FAM216A: variants seen among roughly 807,000 people sequenced by gnomAD.
FAM216A encodes family with sequence similarity 216 member A, also known as protein FAM216A.
In FAM216A, 26 loss-of-function variants were observed where a neutral mutation model predicts 37.6. That is an observed-to-expected ratio of 0.69 (90% CI 0.51 to 0.96). The LOEUF is 0.96. Among genes scored for constraint, FAM216A ranks in the 40% least tolerant of loss-of-function variants. The pLI, the probability that FAM216A is intolerant of heterozygous loss-of-function variation, is 0.00. For synonymous variants in FAM216A, 110 were observed against 121.7 expected (o/e 0.90, Z 0.64); for missense variants, 326 against 339.3 (o/e 0.96, Z 0.31).
chr12:110,468,527 T>A, upstream of FAM216A: 4 of 1,537,254 alleles, frequency 2.6e-6, no homozygotes, highest in Non-Finnish European at 3.5e-6. Context: ...CGTGCTTCGG[T>A]CCGTGGTTTG....
At chr12:110,479,856 C>T (rs1413621175) in intron 2 of FAM216A, among the ~76,000 whole-genome samples, 1 of 150,670 alleles carries the variant, frequency 6.6e-6, no homozygotes, top group Non-Finnish European at 1.5e-5. Flanking sequence ...CCAAAAAAAA[C>T]AAAAAACAAA....
intron 2 of FAM216A, among the ~76,000 whole-genome samples, chr12:110,474,970 C>A (rs1299352711): frequency 1.3e-5 from 2 of 150,816 alleles, no homozygotes; most frequent in Non-Finnish European, 2.9e-5. Context: ...CCAGCCTGGG[C>A]AACAAGAGTG....
At chr12:110,469,221 T>A in intron 1 of FAM216A, 1 of 545,768 alleles carries the variant, frequency 1.8e-6, no homozygotes, top group Non-Finnish European at 2.9e-6. Context: ...TGAGGGAGGG[T>A]CTCTGAGGGA....
At chr12:110,474,091 C>T (rs1310503385) in intron 2 of FAM216A, among the ~76,000 whole-genome samples, 2 of 151,990 alleles carry the variant, frequency 1.3e-5, no homozygotes, top group East Asian at 3.8e-4. Context: ...AATATACAGA[C>T]ATATATGTGT....
chr12:110,473,159 A>G, intron 2 of FAM216A, 41 bp downstream of exon 2: 1 of 1,197,254 alleles, frequency 8.4e-7, no homozygotes, highest in Non-Finnish European at 1.2e-6. Flanking sequence ...TATAAGTAAC[A>G]TGGTTCTGAG....
At chr12:110,479,055 G>A (rs890961093) in intron 2 of FAM216A, among the ~76,000 whole-genome samples, 1 of 151,942 alleles carries the variant, frequency 6.6e-6, no homozygotes, top group Admixed American at 6.6e-5. Flanking sequence ...CGGGCGTCGT[G>A]GCTGGCGCCT....
At chr12:110,482,442 C>A (rs777619785) in intron 2 of FAM216A, among the ~76,000 whole-genome samples, 5 of 151,986 alleles carry the variant, frequency 3.3e-5, no homozygotes, top group Admixed American at 6.6e-5. Flanking sequence ...GTGGAAACTA[C>A]CCAAATGTCT....
At chr12:110,485,374 T>G (rs1445987659) in intron 3 of FAM216A, among the ~76,000 whole-genome samples, 175 bp downstream of exon 3, 1 of 152,184 alleles carries the variant, frequency 6.6e-6, no homozygotes, top group Non-Finnish European at 1.5e-5. Context: ...ATGTAAAGAT[T>G]ATACATTCTT....
rs528880183 is a variant in FAM216A, at chr12:110,477,533, T to C, written c.184+4415T>C. 9.2e-5 allele frequency among the ~76,000 whole-genome samples: 14 copies of C among 151,726 alleles called. No individual in the cohort carries two copies. The East Asian group carries it at 2.7e-3, about 30-fold the overall frequency. On this transcript the variant is annotated intron_variant, in intron 2 of 6. Coordinates refer to ENST00000377673, the MANE Select transcript of FAM216A (RefSeq NM_013300.3). ...ACGCTCGCCTAATTTTTTTGTATTTTTTTTAGTAGAGACGGGGTCTCACTG... is the reference window on the plus strand; with the variant it reads ...ACGCTCGCCTAATTTTTTTGTATTTCTTTTAGTAGAGACGGGGTCTCACTG...
intron 1 of FAM216A, among the ~76,000 whole-genome samples, chr12:110,471,325 G>A (rs778862125): frequency 3.4e-4 from 52 of 152,218 alleles, no homozygotes; most frequent in Admixed American, 1.4e-3. Context: ...TCCTGACCTC[G>A]TGATCCACCC....
intron 1 of FAM216A, among the ~76,000 whole-genome samples, chr12:110,469,672 G>GC (rs2062669241): frequency 6.6e-6 from 1 of 151,764 alleles, no homozygotes; most frequent in Non-Finnish European, 1.5e-5. Context: ...ACCACGCCCG[G>GC]CTAATTTTTG....
At chr12:110,472,366 A>G (rs1000951630) in intron 1 of FAM216A, among the ~76,000 whole-genome samples, 4 of 152,128 alleles carry the variant, frequency 2.6e-5, no homozygotes, top group Non-Finnish European at 5.9e-5. Context: ...TGTAGGAATG[A>G]GATTAGGAAG....
chr12:110,486,871 T>A (rs1363382607), intron 5 of FAM216A, 154 bp downstream of exon 5: 5 of 663,880 alleles, frequency 7.5e-6, no homozygotes, highest in Non-Finnish European at 1.2e-5. Flanking sequence ...TGCTCCTGCC[T>A]CAGACTCCCA....
intron 1 of FAM216A, among the ~76,000 whole-genome samples, chr12:110,471,758 G>A (rs1012282671): frequency 2.0e-5 from 3 of 152,200 alleles, no homozygotes; most frequent in African/African-American, 4.8e-5. Context: ...GCGGTGAAAA[G>A]TTCATAACAA....
intron 2 of FAM216A, among the ~76,000 whole-genome samples, chr12:110,480,304 C>T (rs1203538444): frequency 3.3e-5 from 5 of 149,836 alleles, no homozygotes; most frequent in East Asian, 2.0e-4. Context: ...CCCGGGTTCA[C>T]GCCATTCTCC....
rs752977101 is a variant in FAM216A, at chr12:110,486,417, G to A, written c.399G>A (p.Gln133=). 1.2e-6 allele frequency: 2 copies of A among 1,613,980 alleles called. No individual in the cohort carries two copies. Among genetic ancestry groups the A allele is most frequent in the South Asian group, 2.2e-5 (2 of 91,076 alleles). The change falls in exon 4 of 7, where the codon CAG becomes CAA. Residue 133 remains glutamine, a synonymous_variant. Coordinates refer to ENST00000377673, the MANE Select transcript of FAM216A (RefSeq NM_013300.3). ...ATCTGAAGATGTTAATGAAGAGGCAGTACATGCACGTACTTCAGCACAGCT... is the reference window on the plus strand; with the variant it reads ...ATCTGAAGATGTTAATGAAGAGGCAATACATGCACGTACTTCAGCACAGCT... ...ANYLKMLMKR[Q]YMHVLQHSSQ...
intron 3 of FAM216A, 93 bp downstream of exon 3, chr12:110,485,292 T>C: frequency 8.8e-7 from 1 of 1,131,098 alleles, no homozygotes; most frequent in Non-Finnish European, 1.3e-6. Flanking sequence ...GGTGAGATAC[T>C]GCAGATGACA....
At chr12:110,489,970 G>C (rs751483520) in intron 6 of FAM216A, 49 bp from the exon 7 acceptor site, 1 of 895,346 alleles carries the variant, frequency 1.1e-6, no homozygotes, top group Non-Finnish European at 1.8e-6. Flanking sequence ...GTTGTACTTA[G>C]AGCTTTATTT....
At chr12:110,489,908 CA>C in intron 6 of FAM216A, 110 bp from the exon 7 acceptor site, 3 of 604,546 alleles carry the variant, frequency 5.0e-6, no homozygotes, top group Non-Finnish European at 5.9e-6. Context: ...TTGAAAATTG[CA>C]GGCAATTTGT....
Sources: allele counts gnomAD v4.1 joint callset (sites outside exome capture counted in the v4.1 genomes callset), GRCh38; gene constraint gnomAD v4.1.1; transcripts MANE v1.5; gene names NCBI Gene and HGNC (gene_info 2026-07-23, HGNC 2026-07-21).